The following MAGED2 variants were observed in gnomAD, a reference collection of about 807,000 sequenced individuals.
MAGED2 encodes melanoma-associated antigen D2.
A neutral mutation model predicts 41.7 loss-of-function variants in MAGED2; 6 were observed. The observed-to-expected ratio is 0.14, with a 90% CI of 0.08 to 0.28. The LOEUF (loss-of-function observed/expected upper bound fraction) is 0.28, where lower values mean the gene tolerates loss of function less well. MAGED2 is among the 10% of genes least tolerant of loss of function. The probability of loss-of-function intolerance (pLI) is 1.00; values close to 1 mark genes in which losing one functional copy is unlikely to be tolerated. For missense variants in MAGED2, 343 were observed against 486.4 expected (o/e 0.71, Z 2.77); for synonymous variants, 146 against 178.2 (o/e 0.82, Z 1.44).
chrX:54,809,030 A>G, intron 1 of MAGED2: 1 of 362,362 alleles, frequency 2.8e-6, no homozygotes. Context: ...CATGCGCTCT[A>G]TCGACCTGCG....
At chrX:54,808,257 G>C (rs989812883) in intron 1 of MAGED2, 3 of 109,812 alleles carry the variant, frequency 2.7e-5, no homozygotes, top group African/African-American at 6.7e-5. Flanking sequence ...GAATACGGAG[G>C]GGGGCATAAG....
Position 54,810,839 on chromosome X carries a change from G to A in MAGED2, c.556G>A (p.Glu186Lys). Residue 186 changes from glutamate (E) to lysine (K), a missense_variant, in exon 4 of 13, where the codon GAA becomes AAA. Coordinates refer to ENST00000375068, the MANE Select transcript of MAGED2 (RefSeq NM_177433.3). ...GATGCAGGTGAAGCATCTGGATGGG[G>A]AAGAGGATGGCAGCAGTGATCAGAG... ...KARKVKHLDG[E>K]EDGSSDQSQA... is the part of the protein sequence containing the mutation. The A allele has an allele frequency of 8.5e-7, 1 of 1,172,266 alleles. No individual in the cohort carries two copies. Among genetic ancestry groups the A allele is most frequent in the Non-Finnish European group, 1.1e-6 (1 of 875,109 alleles).
intron 9 of MAGED2, 27 bp from the exon 10 acceptor site, chrX:54,813,461 T>G: frequency 8.6e-7 from 1 of 1,166,549 alleles, no homozygotes; most frequent in Non-Finnish European, 1.2e-6. Flanking sequence ...TTTATTTGTT[T>G]ATTTATTTTT....
intron 1 of MAGED2, among the ~76,000 whole-genome samples, chrX:54,808,891 G>C (rs1475650206): frequency 8.9e-6 from 1 of 112,722 alleles, no homozygotes; most frequent in East Asian, 2.8e-4. Context: ...TCGCTAGAAA[G>C]GGGCGTGTTG....
rs1333837681 is a variant in MAGED2 at position 54,815,493 on chromosome X, T to A, written c.1632T>A (p.Ser544Arg). ...AAGCTAAAGCCAAAGCCCAAGAGAG[T>A]GGCAGTGCCAGCACTGGTGCCAGTA... is the stretch of plus-strand genomic sequence containing the variant. ...GAEAKAKAQE[S>R]GSASTGASTS... is the part of the protein sequence containing the mutation. Residue 544 changes from serine (S) to arginine (R), a missense_variant, in exon 12 of 13, where the codon AGT (serine) becomes AGA (arginine). This residue lies in a region of MAGED2 where 53 missense variants were observed against 60.4 expected (regional missense o/e 0.88). Coordinates refer to ENST00000375068, the MANE Select transcript of MAGED2 (RefSeq NM_177433.3). 2.5e-6 allele frequency: 3 copies of A among 1,197,313 alleles called. No individual in the cohort carries two copies. In the Admixed American group the frequency reaches 6.7e-5, roughly 27 times the overall value.
chrX:54,810,530 G>T (rs1929769098), intron 3 of MAGED2, among the ~76,000 whole-genome samples: 1 of 111,969 alleles, frequency 8.9e-6, no homozygotes, highest in African/African-American at 3.3e-5. Context: ...GAGTTCCAGA[G>T]AGGTGAAGCG....
In MAGED2 at chrX:54,810,995, G is replaced by T. The variant is rs1929783850; in HGVS notation, c.712G>T (p.Ala238Ser). 1 of 1,198,767 alleles carries T rather than the reference G, an allele frequency of 8.3e-7. No homozygotes were observed. Among genetic ancestry groups the T allele is most frequent in the South Asian group, 1.8e-5 (1 of 55,281 alleles). Residue 238 changes from alanine to serine, a missense_variant, in exon 4 of 13, where the codon GCC becomes TCC. By Grantham distance (99) the Ala-to-Ser change is moderately conservative (BLOSUM62 1). Coordinates refer to ENST00000375068, the MANE Select transcript of MAGED2 (RefSeq NM_177433.3). ...ATCAAGGACTCGGTTGGCTGCTTGG[G>T]CCCGGAGAGCCTTGCTCTCCCTGAG... ...RASRTRLAAW[A>S]RRALLSLRSP...
At chrX:54,813,374 C>T in intron 9 of MAGED2, 114 bp from the exon 10 acceptor site, 1 of 859,380 alleles carries the variant, frequency 1.2e-6, no homozygotes, top group Non-Finnish European at 1.7e-6. Context: ...TGGAGCTTCC[C>T]TCTTGTGCTG....
chrX:54,810,248 ACTC>A (rs746086939), intron 3 of MAGED2, 35 bp downstream of exon 3: 6 of 881,584 alleles, frequency 6.8e-6, no homozygotes, highest in Non-Finnish European at 4.7e-6. Context: ...TTGGTTTTCT[ACTC>A]CTCTCTCAGT....
In MAGED2 at chrX:54,815,380, C is replaced by T. The variant is rs947388507; in HGVS notation, c.1519C>T (p.Leu507Phe). The T allele has an allele frequency of 2.5e-6, 3 of 1,209,997 alleles. No homozygotes were observed. The highest frequency in any genetic ancestry group is 3.4e-6 in the Non-Finnish European group (3 of 894,228). ...AEIRARMGIG[L>F]GSENAAGPCN... ...GATTAGAGCTCGAATGGGCATTGGG[C>T]TCGGCTCGGAGAATGCTGCCGGGCC... The change falls in exon 12 of 13, where the codon CTC becomes TTC. Residue 507 changes from leucine (L) to phenylalanine (F), a missense_variant. This residue lies in a region of MAGED2 where 95 missense variants were observed against 204.8 expected (regional missense o/e 0.46). Coordinates refer to ENST00000375068, the MANE Select transcript of MAGED2 (RefSeq NM_177433.3).
At chrX:54,809,014 G>C in intron 1 of MAGED2, 1 of 346,322 alleles carries the variant, frequency 2.9e-6, no homozygotes, top group South Asian at 4.3e-5. Context: ...CCCTGCAGCC[G>C]ACGCGCATGC....
chrX:54,815,200 T>C (rs1929924207), intron 11 of MAGED2, 48 bp from the exon 12 acceptor site: 1 of 1,135,254 alleles, frequency 8.8e-7, no homozygotes, highest in Non-Finnish European at 1.2e-6. Flanking sequence ...GTATTATTAC[T>C]ATGGCTTAAT....
chrX:54,815,972 A>C lies in MAGED2; in HGVS notation c.*100A>C. 1 of 276,830 alleles carries C rather than the reference A, an allele frequency of 3.6e-6. No homozygotes were observed. The highest frequency in any genetic ancestry group is 5.8e-5 in the East Asian group (1 of 17,284). The allele number at this position is 276,830 out of a possible 1,213,427, so 22.8% of individuals were successfully genotyped here. ...GCACTCTAGGCAGCCACTATCAATC[A>C]ATTGAAGTTGACACTCTGCATTAAA... is the stretch of plus-strand genomic sequence containing the variant. On this transcript the variant is annotated 3_prime_UTR_variant, in exon 13 of 13. Coordinates refer to ENST00000375068, the MANE Select transcript of MAGED2 (RefSeq NM_177433.3).
chrX:54,811,087 T>C lies in MAGED2; in HGVS notation c.804T>C (p.Pro268=). The C allele has an allele frequency of 2.5e-6, 3 of 1,198,150 alleles. No homozygotes were observed. Among genetic ancestry groups the C allele is most frequent in the Non-Finnish European group, 3.4e-6 (3 of 888,121 alleles). The change falls in exon 4 of 13, where the codon CCT becomes CCC. Residue 268 remains proline, a synonymous_variant. Coordinates refer to ENST00000375068, the MANE Select transcript of MAGED2 (RefSeq NM_177433.3). ...RAAKLQSSQE[P]EAPPPRDVAL... ...CCAAGCTCCAGTCATCCCAAGAGCC[T>C]GAAGCACCACCACCTCGGGATGTGG...
At chrX:54,811,482 C>T (rs1240800871) in intron 5 of MAGED2, 92 bp from the exon 6 acceptor site, 3 of 913,965 alleles carry the variant, frequency 3.3e-6, no homozygotes, top group African/African-American at 1.9e-5. Flanking sequence ...GTTATGCCAC[C>T]CTTGGTGTGG....
chrX:54,815,871 G>T lies in MAGED2; in HGVS notation c.*9-10G>T. 2.3e-6 allele frequency: 1 copy of T among 426,974 alleles called. No individual in the cohort carries two copies. Among genetic ancestry groups the T allele is most frequent in the Non-Finnish European group, 4.0e-6 (1 of 248,114 alleles). 35.2% of individuals were successfully genotyped at this position (426,974 alleles called of 1,213,427 possible). On this transcript the variant is annotated splice_polypyrimidine_tract_variant and intron_variant, in intron 12 of 12. Transcript: ENST00000375068. ...TTGACCCTTTTATTTTCTCTTACTT[G>T]TGTTTTCAGATATTGTTAATCCTGC... is the stretch of plus-strand genomic sequence containing the variant.
chrX:54,810,285 T>A, intron 3 of MAGED2, 72 bp downstream of exon 3: 1 of 675,587 alleles, frequency 1.5e-6, no homozygotes, highest in East Asian at 3.5e-5. Flanking sequence ...CTACAAACAT[T>A]TAGAAAGATC....
At chrX:54,809,194 G>A in intron 1 of MAGED2, 109 bp from the exon 2 acceptor site, 2 of 537,780 alleles carry the variant, frequency 3.7e-6, no homozygotes, top group Non-Finnish European at 6.6e-6. Context: ...GGGGGTGGTG[G>A]AGGGGGTTGG....
chrX:54,815,203 G>A (rs774619114), intron 11 of MAGED2, 45 bp from the exon 12 acceptor site: 18 of 1,134,761 alleles, frequency 1.6e-5, no homozygotes, highest in Non-Finnish European at 2.0e-5. Context: ...TTATTACTAT[G>A]GCTTAATCCC....
Sources: gnomAD v4.1 joint callset for allele counts (sites outside exome capture counted in the v4.1 genomes callset) on GRCh38, gnomAD v4.1.1 for gene constraint, gnomAD v4.1.1 regional missense constraint, MANE v1.5 for transcripts, NCBI Gene and HGNC (gene_info 2026-07-23, HGNC 2026-07-21) for gene names.